TYW1B: variants seen among roughly 807,000 people sequenced by gnomAD.
The protein encoded by TYW1B is tRNA-yW synthesizing protein 1 homolog B.
In TYW1B, 73 loss-of-function variants were observed where a neutral mutation model predicts 86.9. That is an observed-to-expected ratio of 0.84 (90% CI 0.70 to 1.02). The LOEUF (loss-of-function observed/expected upper bound fraction) is 1.02, where lower values mean the gene tolerates loss of function less well. Among genes scored for constraint, TYW1B ranks in the 50% least tolerant of loss-of-function variants. The pLI, the probability that TYW1B is intolerant of heterozygous loss-of-function variation, is 0.00. For missense variants in TYW1B, 637 were observed against 827.4 expected (o/e 0.77, Z 2.82); for synonymous variants, 248 against 292.8 (o/e 0.85, Z 1.56).
intron 11 of TYW1B, among the ~76,000 whole-genome samples, chr7:72,636,806 C>G (rs1176341640): frequency 6.6e-6 from 1 of 152,108 alleles, no homozygotes; most frequent in Non-Finnish European, 1.5e-5. Context: ...GTTTGCTGAC[C>G]TTTTCTTTAA....
intron 6 of TYW1B, among the ~76,000 whole-genome samples, chr7:72,798,077 C>A (rs1328842512): frequency 1.3e-5 from 2 of 151,816 alleles, no homozygotes; most frequent in African/African-American, 4.8e-5. Flanking sequence ...ACTAAGTTTG[C>A]AAATATAAAC....
At chr7:72,591,206 T>C (rs1811387537) in intron 13 of TYW1B, among the ~76,000 whole-genome samples, 1 of 150,098 alleles carries the variant, frequency 6.7e-6, no homozygotes, top group Admixed American at 6.6e-5. Context: ...ATGAACACCA[T>C]CAAGTGAACT....
chr7:72,694,899 T>C (rs782286907), intron 10 of TYW1B, 77 bp from the exon 11 acceptor site: 45 of 1,502,216 alleles, frequency 3.0e-5, no homozygotes, highest in South Asian at 1.2e-4. Context: ...AAACCTGTAA[T>C]AGACATGGGT....
intron 12 of TYW1B, among the ~76,000 whole-genome samples, chr7:72,619,035 C>A (rs1305934413): frequency 1.3e-5 from 2 of 152,118 alleles, no homozygotes; most frequent in African/African-American, 4.8e-5. Flanking sequence ...AAACCACGAG[C>A]AAGGATGATC....
At chr7:72,670,942 A>G (rs1193220038) in intron 11 of TYW1B, among the ~76,000 whole-genome samples, 2 of 152,208 alleles carry the variant, frequency 1.3e-5, no homozygotes, top group African/African-American at 4.8e-5. Context: ...AGGTTTGCAT[A>G]AAGCTTAATA....
chr7:72,710,882 C>T (rs782158919), intron 10 of TYW1B, among the ~76,000 whole-genome samples: 1 of 152,118 alleles, frequency 6.6e-6, no homozygotes, highest in East Asian at 1.9e-4. Flanking sequence ...TAGAAATAAC[C>T]GTGGTCTTAA....
rs1563066283 is a variant in TYW1B, at chr7:72,707,108, C to T, written c.1370+6513G>A. Among the ~76,000 whole-genome samples the T allele has an allele frequency of 3.9e-5, 6 of 152,222 alleles. No individual in the cohort carries two copies. The South Asian group carries it at 1.2e-3, about 31-fold the overall frequency. Reference sequence around the variant, plus strand: ...GCCATCGACTCCTCCTGTCCCAGTACCCAAGTGCCCCTGCCCTGTAGATCT... The same window carrying T: ...GCCATCGACTCCTCCTGTCCCAGTATCCAAGTGCCCCTGCCCTGTAGATCT... On this transcript the variant is annotated intron_variant, in intron 10 of 13. Transcript: ENST00000620995.
chr7:72,758,231 A>G (rs1297207686), intron 7 of TYW1B, among the ~76,000 whole-genome samples: 1 of 151,960 alleles, frequency 6.6e-6, no homozygotes, highest in Non-Finnish European at 1.5e-5. Context: ...ACAACAACAA[A>G]AAAGCTGGGT....
intron 9 of TYW1B, among the ~76,000 whole-genome samples, chr7:72,715,388 G>A (rs1306752449): frequency 1.3e-5 from 2 of 152,186 alleles, no homozygotes; most frequent in Non-Finnish European, 1.5e-5. Context: ...AGGGCTCTCC[G>A]TGTGATTCCA....
chr7:72,611,394 A>G (rs1225282450), intron 13 of TYW1B, among the ~76,000 whole-genome samples: 4 of 152,112 alleles, frequency 2.6e-5, no homozygotes, highest in Non-Finnish European at 5.9e-5. Flanking sequence ...TGTGGGAAGG[A>G]CCTGGTGGGA....
At chr7:72,729,838 G>A (rs1409269901) in intron 8 of TYW1B, among the ~76,000 whole-genome samples, 1 of 151,998 alleles carries the variant, frequency 6.6e-6, no homozygotes, top group Non-Finnish European at 1.5e-5. Flanking sequence ...ACCAGAAATA[G>A]CACAAGCTCC....
intron 7 of TYW1B, among the ~76,000 whole-genome samples, chr7:72,758,828 T>C (rs1354851554): frequency 6.6e-6 from 1 of 152,222 alleles, no homozygotes; most frequent in African/African-American, 2.4e-5. Context: ...TTCTACAAAA[T>C]CGACATTCTG....
chr7:72,714,562 G>A (rs1786741647), intron 9 of TYW1B, among the ~76,000 whole-genome samples: 2 of 152,156 alleles, frequency 1.3e-5, no homozygotes, highest in Admixed American at 1.3e-4. Flanking sequence ...GATTGAGGCT[G>A]CAGTGAACCA....
intron 11 of TYW1B, among the ~76,000 whole-genome samples, chr7:72,686,726 G>A (rs553101661): frequency 6.6e-6 from 1 of 152,106 alleles, no homozygotes; most frequent in African/African-American, 2.4e-5. Context: ...TGATGGATCC[G>A]TGTAGGTTCA....
intron 10 of TYW1B, among the ~76,000 whole-genome samples, chr7:72,706,398 G>C (rs1331596047): frequency 7.9e-6 from 1 of 126,862 alleles, no homozygotes; most frequent in Admixed American, 1.0e-4. Flanking sequence ...GTGTACTCCA[G>C]CCTGGGCAAC....
At chr7:72,797,384 C>T (rs1554474641) in intron 6 of TYW1B, among the ~76,000 whole-genome samples, 1 of 152,152 alleles carries the variant, frequency 6.6e-6, no homozygotes, top group African/African-American at 2.4e-5. Flanking sequence ...GGTTGAGGAA[C>T]ACACTGATGT....
intron 2 of TYW1B, among the ~76,000 whole-genome samples, chr7:72,823,669 A>C (rs1788874272): frequency 6.6e-6 from 1 of 151,992 alleles, no homozygotes; most frequent in Non-Finnish European, 1.5e-5. Context: ...ATAAATAAAA[A>C]TAAATTCAGA....
At chr7:72,733,650 G>C (rs548017550) in intron 8 of TYW1B, among the ~76,000 whole-genome samples, 1 of 152,276 alleles carries the variant, frequency 6.6e-6, no homozygotes, top group South Asian at 2.1e-4. Flanking sequence ...GACAGAGCGA[G>C]ACTCCGTCTC....
intron 11 of TYW1B, among the ~76,000 whole-genome samples, chr7:72,673,565 G>A (rs1554446786): frequency 6.6e-6 from 1 of 152,186 alleles, no homozygotes; most frequent in Non-Finnish European, 1.5e-5. Flanking sequence ...TCAACTCATG[G>A]AGACAGACAG....
Sources: gnomAD v4.1 joint callset for allele counts (sites outside exome capture counted in the v4.1 genomes callset) on GRCh38, gnomAD v4.1.1 for gene constraint, MANE v1.5 for transcripts, NCBI Gene and HGNC (gene_info 2026-07-23, HGNC 2026-07-21) for gene names.